FAM13A: variants seen among roughly 807,000 people sequenced by gnomAD.
The protein encoded by FAM13A is protein FAM13A.
Under a neutral mutation model 129.6 loss-of-function variants are expected in FAM13A, and 76 were observed. The observed-to-expected ratio is 0.59, with a 90% confidence interval of 0.49 to 0.71. The LOEUF is 0.71. Ranked by LOEUF, FAM13A falls within the 30% of genes least tolerant of loss-of-function variation. The pLI is 0.00. For missense variants in FAM13A, 1,108 were observed against 1,249.3 expected, an observed-to-expected ratio of 0.89 and a Z score of 1.70; for synonymous variants, 443 against 449.9, an observed-to-expected ratio of 0.98 and a Z score of 0.20.
At chr4:88,781,828 CGG>C (rs1722935483) in intron 10 of FAM13A, among the ~76,000 whole-genome samples, 1 of 147,616 alleles carries the variant, frequency 6.8e-6, no homozygotes, top group East Asian at 2.0e-4. Flanking sequence ...CATCACAGTC[CGG>C]AGACTGTTGT....
At chr4:88,848,116 T>C (rs1736977420) in intron 7 of FAM13A, among the ~76,000 whole-genome samples, 1 of 152,206 alleles carries the variant, frequency 6.6e-6, no homozygotes, top group African/African-American at 2.4e-5. Context: ...AGAGGACCAG[T>C]ATTTTGTATC....
Position 88,731,346 on chromosome 4 carries a change from A to T in FAM13A, c.2926T>A (p.Phe976Ile). The T allele has an allele frequency of 6.2e-7, 1 of 1,606,728 alleles. No individual in the cohort carries two copies. Among genetic ancestry groups the T allele is most frequent in the Non-Finnish European group, 8.5e-7 (1 of 1,177,426 alleles). ...CACTACCTTCCATTCTGTCTGAAAA[A>T]GTTGTCTTCAAAATCCCGAAGTTTC... ...RKKLRDFEDN[F>I]FRQNGRNVQK... Residue 976 changes from phenylalanine to isoleucine, a missense_variant, in exon 23 of 24, where the codon TTT (phenylalanine) becomes ATT (isoleucine). Phe to Ile is a conservative substitution (Grantham distance 21). Transcript: ENST00000264344.
chr4:88,978,569 C>T (rs972101822), intron 4 of FAM13A, among the ~76,000 whole-genome samples: 1 of 152,132 alleles, frequency 6.6e-6, no homozygotes, highest in Non-Finnish European at 1.5e-5. Flanking sequence ...CCGAGGCGGG[C>T]AGATCACAAG....
At chr4:88,937,898 T>C (rs530370180) in intron 5 of FAM13A, 190 bp downstream of exon 5, 421 of 575,900 alleles carry the variant, frequency 7.3e-4, no homozygotes, top group Non-Finnish European at 1.2e-3. Context: ...GCTATTATTC[T>C]TGAATTTTAG....
At chr4:88,921,284 T>G (rs1349713674) in intron 5 of FAM13A, among the ~76,000 whole-genome samples, 3 of 151,966 alleles carry the variant, frequency 2.0e-5, no homozygotes, top group Admixed American at 6.6e-5. Context: ...GGAAAAAATG[T>G]TAAGGGCAGC....
At chr4:88,808,125 C>T (rs999662067) in intron 7 of FAM13A, among the ~76,000 whole-genome samples, 1 of 152,100 alleles carries the variant, frequency 6.6e-6, no homozygotes, top group Admixed American at 6.6e-5. Flanking sequence ...TTTCTATTTT[C>T]CCTTTCATAA....
intron 4 of FAM13A, among the ~76,000 whole-genome samples, chr4:88,972,609 A>C (rs1760274418): frequency 6.8e-6 from 1 of 147,942 alleles, no homozygotes; most frequent in Non-Finnish European, 1.5e-5. Flanking sequence ...CCCCTCCTTC[A>C]CTTTTTTTTG....
chr4:88,766,635 C>A (rs1286265205), intron 13 of FAM13A, among the ~76,000 whole-genome samples: 3 of 152,110 alleles, frequency 2.0e-5, no homozygotes, highest in Non-Finnish European at 4.4e-5. Flanking sequence ...AGCTGCTATG[C>A]TGTAAAACTC....
chr4:88,728,275 G>T lies in FAM13A; in HGVS notation c.*258C>A. 1 of 514,848 alleles carries T rather than the reference G, an allele frequency of 1.9e-6. No individual in the cohort carries two copies. The allele number at this position is 514,848 out of a possible 1,614,324, so 31.9% of individuals were successfully genotyped here. A position where few individuals can be genotyped will look rare whatever the true frequency, so the allele number is the denominator to read the frequency against. On this transcript the variant is annotated 3_prime_UTR_variant, in exon 24 of 24. Transcript: ENST00000264344. ...GCTCCACTACTGTGTGTGTGTGTGC[G>T]TGCATGCGCGTGCGCATGTGCACAT...
At chr4:89,027,845 A>G (rs544241095) in intron 2 of FAM13A, among the ~76,000 whole-genome samples, 66 of 152,258 alleles carry the variant, frequency 4.3e-4, no homozygotes, top group Non-Finnish European at 5.7e-4. Context: ...GGGAGGATTC[A>G]GGTCCCAAGC....
chr4:88,905,428 C>T (rs1219451922), intron 6 of FAM13A, among the ~76,000 whole-genome samples: 3 of 151,804 alleles, frequency 2.0e-5, no homozygotes, highest in African/African-American at 4.8e-5. Flanking sequence ...TTTTATTTTA[C>T]GTTTGGGGGT....
At chr4:88,870,121 T>TA (rs34310867) in intron 6 of FAM13A, among the ~76,000 whole-genome samples, 82,999 of 146,886 alleles carry the variant, frequency 0.57, 24,298 homozygotes, top group East Asian at 0.81. Context: ...ATTTCTGTTG[T>TA]AAAAAAAAAA....
intron 7 of FAM13A, among the ~76,000 whole-genome samples, chr4:88,826,565 A>C (rs1484155523): frequency 6.6e-6 from 1 of 152,180 alleles, no homozygotes; most frequent in Non-Finnish European, 1.5e-5. Flanking sequence ...TTGACTGTTC[A>C]CTGCATTCCC....
At chr4:89,019,258 G>GT (rs1409210037) in intron 3 of FAM13A, among the ~76,000 whole-genome samples, 1 of 152,194 alleles carries the variant, frequency 6.6e-6, no homozygotes, top group African/African-American at 2.4e-5. Flanking sequence ...CATACTGCAT[G>GT]TGAATAGGTA....
chr4:88,865,524 A>G (rs1740234869), intron 6 of FAM13A, among the ~76,000 whole-genome samples: 1 of 152,258 alleles, frequency 6.6e-6, no homozygotes, highest in African/African-American at 2.4e-5. Flanking sequence ...TTTAGTGCCT[A>G]GTAACGGTAA....
intron 23 of FAM13A, chr4:88,729,361 C>G (rs1057417624): frequency 1.3e-5 from 2 of 152,192 alleles, no homozygotes; most frequent in Non-Finnish European, 2.9e-5. Flanking sequence ...CTTGCCTGCT[C>G]TTGGCCACCA....
intron 5 of FAM13A, among the ~76,000 whole-genome samples, chr4:88,910,104 A>G (rs1015943977): frequency 1.5e-4 from 23 of 152,274 alleles, no homozygotes; most frequent in African/African-American, 5.5e-4. Context: ...ACTGAATCTT[A>G]TTACTAGTTG....
rs1308068728 is a variant in FAM13A, at chr4:89,020,671, T to C, written c.218-2A>G. 1 of 1,609,906 alleles carries C rather than the reference T, an allele frequency of 6.2e-7. No individual in the cohort carries two copies. Among genetic ancestry groups the C allele is most frequent in the Non-Finnish European group, 8.5e-7 (1 of 1,176,162 alleles). On this transcript the variant is annotated splice_acceptor_variant, in intron 2 of 23. Coordinates refer to ENST00000264344, the MANE Select transcript of FAM13A (RefSeq NM_014883.4). LOFTEE classifies it high-confidence loss of function. ...TAAAAAGACCTTCTTGGGTAAGTCC[T>C]GGAAGAGCAAAGTAGGCACAGAAAA...
intron 6 of FAM13A, among the ~76,000 whole-genome samples, chr4:88,854,560 C>A (rs1738173585): frequency 6.6e-6 from 1 of 152,202 alleles, no homozygotes; most frequent in Non-Finnish European, 1.5e-5. Flanking sequence ...TTTATTTGAT[C>A]ATTTAGTAAC....
Sources: allele counts gnomAD v4.1 joint callset (sites outside exome capture counted in the v4.1 genomes callset), GRCh38; gene constraint gnomAD v4.1.1; transcripts MANE v1.5; gene names NCBI Gene and HGNC (gene_info 2026-07-23, HGNC 2026-07-21).